CAPZB: variants seen among roughly 807,000 people sequenced by gnomAD.
The protein encoded by CAPZB is capping actin protein of muscle Z-line subunit beta, also known as F-actin-capping protein subunit beta.
In CAPZB, 2 loss-of-function variants were observed where a neutral mutation model predicts 38.1. The ratio of observed to expected loss-of-function variants is 0.05; its 90% CI spans 0.02 to 0.17. The LOEUF (loss-of-function observed/expected upper bound fraction) is 0.17. Ranked by LOEUF, CAPZB falls within the 10% of genes least tolerant of loss-of-function variation. The pLI is 1.00. For synonymous variants in CAPZB, 107 were observed against 127.4 expected, an observed-to-expected ratio of 0.84 and a Z score of 1.08; for missense variants, 161 against 334.2, an observed-to-expected ratio of 0.48 and a Z score of 4.04.
intron 1 of CAPZB, among the ~76,000 whole-genome samples, chr1:19,476,474 T>C (rs2094607298): frequency 6.6e-6 from 1 of 152,192 alleles, no homozygotes. Context: ...CATCTTACAC[T>C]GTATATGGTG....
chr1:19,354,998 G>A (rs533356584), intron 6 of CAPZB, among the ~76,000 whole-genome samples: 21 of 152,290 alleles, frequency 1.4e-4, no homozygotes, highest in African/African-American at 5.1e-4. Context: ...GGATGGGACT[G>A]TGACATCCCT....
At chr1:19,354,293 G>C (rs553860345) in intron 6 of CAPZB, among the ~76,000 whole-genome samples, 1 of 152,032 alleles carries the variant, frequency 6.6e-6, no homozygotes, top group Non-Finnish European at 1.5e-5. Flanking sequence ...AGAACCCTTC[G>C]CCTCCCATCC....
intron 4 of CAPZB, among the ~76,000 whole-genome samples, chr1:19,359,526 T>G (rs539599754): frequency 9.2e-5 from 14 of 152,258 alleles, no homozygotes; most frequent in African/African-American, 2.6e-4. Flanking sequence ...CATTCCCCTC[T>G]CCGGCACTAC....
chr1:19,368,790 C>T (rs1250814714), intron 4 of CAPZB, among the ~76,000 whole-genome samples: 1 of 152,028 alleles, frequency 6.6e-6, no homozygotes, highest in African/African-American at 2.4e-5. Flanking sequence ...ACCTCAGCCC[C>T]CAGACACTGA....
chr1:19,374,650 T>G (rs1330427951), intron 4 of CAPZB, among the ~76,000 whole-genome samples: 1 of 152,212 alleles, frequency 6.6e-6, no homozygotes, highest in Non-Finnish European at 1.5e-5. Context: ...CCTTTTCTCC[T>G]GGCAGGGTGG....
intron 1 of CAPZB, among the ~76,000 whole-genome samples, chr1:19,454,048 T>C (rs1402715203): frequency 6.6e-6 from 1 of 152,162 alleles, no homozygotes; most frequent in Non-Finnish European, 1.5e-5. Context: ...GGCTACAGAC[T>C]CATCCCCCAG....
intron 8 of CAPZB, among the ~76,000 whole-genome samples, chr1:19,343,714 T>A (rs974742159): frequency 1.3e-5 from 2 of 152,336 alleles, no homozygotes; most frequent in African/African-American, 2.4e-5. Context: ...CTGTCCGCCG[T>A]GGACCTGGAG....
At chr1:19,354,046 G>A (rs1416760939) in intron 6 of CAPZB, among the ~76,000 whole-genome samples, 1 of 152,206 alleles carries the variant, frequency 6.6e-6, no homozygotes, top group African/African-American at 2.4e-5. Flanking sequence ...GACGAATTAA[G>A]ACCAAAACAG....
chr1:19,463,284 C>G (rs2094558098), intron 1 of CAPZB, among the ~76,000 whole-genome samples: 1 of 152,114 alleles, frequency 6.6e-6, no homozygotes, highest in African/African-American at 2.4e-5. Context: ...GTGCAAACAC[C>G]TCACTTGTGC....
chr1:19,475,591 C>T (rs559686152), intron 1 of CAPZB, among the ~76,000 whole-genome samples: 1 of 152,288 alleles, frequency 6.6e-6, no homozygotes, highest in Non-Finnish European at 1.5e-5. Flanking sequence ...CCTCTGTTCT[C>T]GACTGAGAGC....
Position 19,443,756 on chromosome 1 carries a change from G to A in CAPZB, c.4-24006C>T, listed in dbSNP as rs145934159. 2.2e-3 allele frequency among the ~76,000 whole-genome samples: 334 copies of A among 152,324 alleles called. 2 individuals carry two copies. The South Asian group carries it at 0.024, about 11-fold the overall frequency. ...GAGGCCAGGTCACCTGGGCAAGGCC[G>A]CCTGGCAGATGCTGTGTGTGGCCGC... is the stretch of plus-strand genomic sequence containing the variant. On this transcript the variant is annotated intron_variant, in intron 1 of 8. Transcript: ENST00000264202.
chr1:19,384,594 T>C (rs1184984353), intron 3 of CAPZB, among the ~76,000 whole-genome samples: 1 of 152,134 alleles, frequency 6.6e-6, no homozygotes, highest in Non-Finnish European at 1.5e-5. Context: ...TCCTGATCAT[T>C]TTTCCTGCTT....
chr1:19,374,023 G>T lies in CAPZB; in HGVS notation c.329+4517C>A, dbSNP rs145337675. 4.0e-3 allele frequency among the ~76,000 whole-genome samples: 615 copies of T among 152,264 alleles called. 4 individuals are homozygous for T. Among genetic ancestry groups the T allele is most frequent in the African/African-American group, 0.014 (580 of 41,550 alleles). ...ACAAAGCTAATGGGTTAATGGGTGG[G>T]GGGCAGGCACCTCGTTCCTGACTGT... On this transcript the variant is annotated intron_variant, in intron 4 of 8. Coordinates refer to ENST00000264202, the MANE Select transcript of CAPZB (RefSeq NM_004930.5).
chr1:19,343,343 CCA>C (rs747926322), intron 8 of CAPZB, among the ~76,000 whole-genome samples: 4 of 152,218 alleles, frequency 2.6e-5, no homozygotes, highest in Admixed American at 6.5e-5. Flanking sequence ...GTCGCCCACC[CCA>C]GTCCACGAGC....
At chr1:19,485,389 G>A in intron 1 of CAPZB, 47 bp downstream of exon 1, 1 of 1,207,492 alleles carries the variant, frequency 8.3e-7, no homozygotes, top group East Asian at 3.2e-5. Flanking sequence ...GGGGACGCGA[G>A]CTCCGGAGGG....
intron 1 of CAPZB, among the ~76,000 whole-genome samples, chr1:19,467,449 C>G (rs2094572650): frequency 6.6e-6 from 1 of 152,164 alleles, no homozygotes; most frequent in Admixed American, 6.5e-5. Flanking sequence ...ACGGATGTGC[C>G]ACACTCATTC....
intron 2 of CAPZB, among the ~76,000 whole-genome samples, chr1:19,392,580 G>T (rs1446979432): frequency 2.0e-5 from 3 of 148,966 alleles, no homozygotes; most frequent in Non-Finnish European, 4.4e-5. Flanking sequence ...GAGATCAAGA[G>T]TTCGAGACCA....
intron 2 of CAPZB, among the ~76,000 whole-genome samples, chr1:19,390,736 G>A (rs2100256862): frequency 6.6e-6 from 1 of 152,348 alleles, no homozygotes. Context: ...AAAAACCCCA[G>A]AAGGTAGAAG....
At chr1:19,401,541 T>G (rs2094303460) in intron 2 of CAPZB, among the ~76,000 whole-genome samples, 1 of 152,158 alleles carries the variant, frequency 6.6e-6, no homozygotes, top group South Asian at 2.1e-4. Flanking sequence ...CAGCCTCAGG[T>G]GAGCCTTTTA....
Sources: gnomAD v4.1 joint callset for allele counts (sites outside exome capture counted in the v4.1 genomes callset) on GRCh38, gnomAD v4.1.1 for gene constraint, MANE v1.5 for transcripts, NCBI Gene and HGNC (gene_info 2026-07-23, HGNC 2026-07-21) for gene names.